Variants in TTC23L observed in about 807,000 individuals in gnomAD.
TTC23L encodes the protein tetratricopeptide repeat protein 23-like.
Under a neutral mutation model 48.1 loss-of-function variants are expected in TTC23L, and 42 were observed. That is an observed-to-expected ratio of 0.87 (90% CI 0.68 to 1.13). The LOEUF (loss-of-function observed/expected upper bound fraction) is 1.13. Ranked by LOEUF, TTC23L falls within the 50% of genes most tolerant of loss-of-function variation. The pLI is 0.00. For missense variants in TTC23L, 391 were observed against 421.0 expected, an observed-to-expected ratio of 0.93 and a Z score of 0.62; for synonymous variants, 159 against 157.2, an observed-to-expected ratio of 1.01 and a Z score of -0.09.
the TTC23L span, chr5:34,911,585 T>C: frequency 1.2e-6 from 2 of 1,614,166 alleles, no homozygotes; most frequent in East Asian, 4.5e-5. Flanking sequence ...GACATGGTAA[T>C]TTGTAGGACT....
At chr5:34,922,151 A>G in the TTC23L span, 1 of 871,072 alleles carries the variant, frequency 1.1e-6, no homozygotes, top group South Asian at 1.7e-5. Flanking sequence ...GATATTAATC[A>G]CATATAATTA....
the TTC23L span, chr5:34,915,544 C>T: frequency 1.6e-6 from 1 of 613,526 alleles, no homozygotes; most frequent in Non-Finnish European, 2.6e-6. Context: ...CCCTCCACCT[C>T]GGCCACCGTC....
the TTC23L span, chr5:34,922,745 C>G: frequency 6.2e-7 from 1 of 1,613,994 alleles, no homozygotes; most frequent in Admixed American, 1.7e-5. Flanking sequence ...GAAAGGTTCT[C>G]GGCCCCTTTT....
chr5:34,908,624 G>T, the TTC23L span: 2 of 663,646 alleles, frequency 3.0e-6, no homozygotes, highest in Admixed American at 3.1e-5. Context: ...TAACTATTAG[G>T]GTACATGACC....
chr5:34,864,867 A>G (rs1218884676), intron 6 of TTC23L, among the ~76,000 whole-genome samples: 1 of 152,186 alleles, frequency 6.6e-6, no homozygotes, highest in Non-Finnish European at 1.5e-5. Flanking sequence ...TGTGATCTGA[A>G]CTCACTAACT....
intron 10 of TTC23L, among the ~76,000 whole-genome samples, chr5:34,898,290 G>A (rs1190981272): frequency 1.3e-5 from 2 of 152,080 alleles, no homozygotes; most frequent in African/African-American, 4.8e-5. Context: ...AAGCTGATGT[G>A]GAAAATATTT....
chr5:34,916,182 G>A, the TTC23L span: 834 of 284,324 alleles, frequency 2.9e-3, 3 homozygotes, highest in South Asian at 0.011. Flanking sequence ...TAGTTGTTCA[G>A]TTGTTTTTTT....
the TTC23L span, chr5:34,918,697 A>G: frequency 1.3e-5 from 5 of 397,512 alleles, no homozygotes; most frequent in Non-Finnish European, 2.2e-5. Context: ...GTGTCCTAAT[A>G]TTATTGAAAC....
At chr5:34,909,400 A>G in the TTC23L span, 3 of 1,367,748 alleles carry the variant, frequency 2.2e-6, no homozygotes, top group Non-Finnish European at 3.1e-6. Flanking sequence ...TCCAAAAATA[A>G]ACCACATTAG....
At chr5:34,882,027 T>G (rs1352066316) in intron 9 of TTC23L, among the ~76,000 whole-genome samples, 1 of 152,068 alleles carries the variant, frequency 6.6e-6, no homozygotes, top group African/African-American at 2.4e-5. Flanking sequence ...GTGCTAAGAT[T>G]AGAGGCGTGA....
intron 4 of TTC23L, among the ~76,000 whole-genome samples, chr5:34,856,889 G>A (rs1760183170): frequency 6.6e-6 from 1 of 152,218 alleles, no homozygotes; most frequent in South Asian, 2.1e-4. Context: ...GTGGTTGGAG[G>A]AGAAGCCAGA....
chr5:34,899,154 G>A (rs1763409026), intron 10 of TTC23L, among the ~76,000 whole-genome samples: 3 of 152,140 alleles, frequency 2.0e-5, no homozygotes, highest in Admixed American at 1.3e-4. Flanking sequence ...GCTCCCTGCT[G>A]TTTAGGAAGA....
the TTC23L span, chr5:34,922,512 T>G: frequency 2.3e-4 from 345 of 1,515,588 alleles, 2 homozygotes; most frequent in East Asian, 7.3e-3. Flanking sequence ...GCTAATTAGT[T>G]GAAAAAGCTT....
rs1264139743 is a variant in TTC23L, at chr5:34,864,573, G to C, written c.662+11G>C. The C allele has an allele frequency of 6.2e-7, 1 of 1,606,810 alleles. No individual in the cohort carries two copies. Among genetic ancestry groups the C allele is most frequent in the African/African-American group, 1.3e-5 (1 of 74,540 alleles). On this transcript the variant is annotated intron_variant, in intron 6 of 10. Transcript: ENST00000505624. ...ACTTGCTTTGGGCAGGTAAGATCTGGGCTTGGAGAAGCTGAGGCTTTTATG... is the reference window on the plus strand; with the variant it reads ...ACTTGCTTTGGGCAGGTAAGATCTGCGCTTGGAGAAGCTGAGGCTTTTATG...
chr5:34,899,848 C>T (rs1405058133), downstream of TTC23L, among the ~76,000 whole-genome samples: 1 of 152,140 alleles, frequency 6.6e-6, no homozygotes, highest in Non-Finnish European at 1.5e-5. Context: ...TGGGATCATG[C>T]CACTGCACTC....
At chr5:34,859,150 G>A (rs1271278864) in intron 4 of TTC23L, among the ~76,000 whole-genome samples, 2 of 152,148 alleles carry the variant, frequency 1.3e-5, no homozygotes, top group Admixed American at 6.5e-5. Flanking sequence ...AGTAGCTCCT[G>A]CAGTTTCACC....
chr5:34,841,436 G>A (rs1030425619), intron 2 of TTC23L, among the ~76,000 whole-genome samples: 1 of 152,202 alleles, frequency 6.6e-6, no homozygotes, highest in African/African-American at 2.4e-5. Flanking sequence ...GAATCAAAGA[G>A]ATGTTAGGGA....
At chr5:34,857,274 A>G (rs577376198) in intron 4 of TTC23L, among the ~76,000 whole-genome samples, 210 of 152,298 alleles carry the variant, frequency 1.4e-3, no homozygotes, top group Non-Finnish European at 2.4e-3. Flanking sequence ...GAAGGAAAAT[A>G]TGGTAACGTG....
intron 6 of TTC23L, among the ~76,000 whole-genome samples, chr5:34,865,359 G>A (rs1046142576): frequency 1.3e-5 from 2 of 152,144 alleles, no homozygotes; most frequent in African/African-American, 2.4e-5. Flanking sequence ...GAATCTAGAA[G>A]TCAGATGGGA....
Sources: allele counts gnomAD v4.1 joint callset (sites outside exome capture counted in the v4.1 genomes callset), GRCh38; gene constraint gnomAD v4.1.1; transcripts MANE v1.5; gene names NCBI Gene and HGNC (gene_info 2026-07-23, HGNC 2026-07-21).